Variants in GRM7 observed in about 807,000 individuals in gnomAD.
The protein encoded by GRM7 is metabotropic glutamate receptor 7.
GRM7 carries 35 observed loss-of-function variants against 84.5 expected under a neutral mutation model. The observed-to-expected ratio is 0.41, with a 90% CI of 0.32 to 0.55. The LOEUF is 0.55. GRM7 is among the 20% of genes least tolerant of loss of function. GRM7 has a pLI of 0.19. For synonymous variants in GRM7, 487 were observed against 455.1 expected (o/e 1.07, Z -0.89); for missense variants, 1,003 against 1,194.6 (o/e 0.84, Z 2.36).
intron 7 of GRM7, among the ~76,000 whole-genome samples, chr3:7,527,807 G>T (rs1447628283): frequency 6.6e-6 from 1 of 151,914 alleles, no homozygotes; most frequent in African/African-American, 2.4e-5. Flanking sequence ...TTAAAATTCT[G>T]TTTATGTGTT....
At chr3:7,527,030 A>C (rs1700834920) in intron 7 of GRM7, among the ~76,000 whole-genome samples, 1 of 151,940 alleles carries the variant, frequency 6.6e-6, no homozygotes, top group Non-Finnish European at 1.5e-5. Flanking sequence ...GTTCTATAAA[A>C]ATTTTAGAAT....
intron 1 of GRM7, among the ~76,000 whole-genome samples, chr3:6,888,518 G>A (rs1695797324): frequency 6.6e-6 from 1 of 151,980 alleles, no homozygotes; most frequent in African/African-American, 2.4e-5. Flanking sequence ...TTTTTCTCAG[G>A]TTTGTCAAAG....
At chr3:7,395,615 G>A (rs1695180204) in intron 4 of GRM7, among the ~76,000 whole-genome samples, 1 of 152,262 alleles carries the variant, frequency 6.6e-6, no homozygotes, top group South Asian at 2.1e-4. Flanking sequence ...TCATGGTAGT[G>A]AATAAGTCTC....
At chr3:7,150,525 C>A (rs78027613) in intron 2 of GRM7, among the ~76,000 whole-genome samples, 4 of 152,196 alleles carry the variant, frequency 2.6e-5, no homozygotes, top group Admixed American at 6.5e-5. Context: ...AAGTAGAGTC[C>A]GGCAGATTTA....
intron 4 of GRM7, among the ~76,000 whole-genome samples, chr3:7,342,484 A>G (rs1692688248): frequency 6.6e-6 from 1 of 152,060 alleles, no homozygotes; most frequent in East Asian, 1.9e-4. Flanking sequence ...TCTCAACACA[A>G]TTTTTACCAT....
At chr3:7,517,743 G>A (rs1017876022) in intron 7 of GRM7, among the ~76,000 whole-genome samples, 4 of 152,032 alleles carry the variant, frequency 2.6e-5, no homozygotes, top group Non-Finnish European at 5.9e-5. Flanking sequence ...GTCTTATCCG[G>A]GCCAGGTATT....
chr3:7,057,667 G>C (rs1697276381), intron 1 of GRM7, among the ~76,000 whole-genome samples: 1 of 151,924 alleles, frequency 6.6e-6, no homozygotes, highest in South Asian at 2.1e-4. Context: ...TAATGTTTGA[G>C]TTAGATGAAC....
chr3:7,489,153 G>A lies in GRM7; in HGVS notation c.1515+27431G>A, dbSNP rs367625714. Among the ~76,000 whole-genome samples the A allele has an allele frequency of 1.5e-4, 23 of 152,170 alleles. 2 individuals are homozygous for A. Among genetic ancestry groups the A allele is most frequent in the Admixed American group, 5.2e-4 (8 of 15,292 alleles). The stretch of plus-strand genomic sequence containing the variant: ...TCTATGGATACATATTTTTAAAAAC[G>A]TATTTGACTGTGGTTCACCATAAGA... On this transcript the variant is annotated intron_variant, in intron 7 of 9. Transcript: ENST00000357716.
chr3:7,695,619 G>A (rs1700988350), intron 9 of GRM7, among the ~76,000 whole-genome samples: 1 of 152,110 alleles, frequency 6.6e-6, no homozygotes, highest in Non-Finnish European at 1.5e-5. Context: ...TAAGATGCTG[G>A]AGCCCATATA....
chr3:7,340,886 G>A (rs868571523), intron 4 of GRM7, among the ~76,000 whole-genome samples: 5 of 152,098 alleles, frequency 3.3e-5, no homozygotes, highest in African/African-American at 4.8e-5. Flanking sequence ...TAGGAATTAC[G>A]TGTCTGCATC....
At chr3:7,387,071 G>A (rs1694813991) in intron 4 of GRM7, among the ~76,000 whole-genome samples, 1 of 152,012 alleles carries the variant, frequency 6.6e-6, no homozygotes. Flanking sequence ...GTCTTCCTTT[G>A]AGAAACAGAC....
At chr3:7,552,900 A>C (rs868503791) in intron 7 of GRM7, among the ~76,000 whole-genome samples, 2 of 152,190 alleles carry the variant, frequency 1.3e-5, no homozygotes, top group Non-Finnish European at 2.9e-5. Flanking sequence ...TACTTATGCA[A>C]ATTTCTGCAG....
chr3:7,361,037 G>C (rs1693639102), intron 4 of GRM7, among the ~76,000 whole-genome samples: 1 of 151,984 alleles, frequency 6.6e-6, no homozygotes, highest in African/African-American at 2.4e-5. Context: ...CTCCTAAAAA[G>C]AAAGTCCCTT....
intron 2 of GRM7, among the ~76,000 whole-genome samples, chr3:7,154,336 G>T (rs1694380222): frequency 6.6e-6 from 1 of 152,136 alleles, no homozygotes; most frequent in African/African-American, 2.4e-5. Flanking sequence ...TACAAAGGAT[G>T]GGTTTCTCCC....
chr3:6,969,683 A>G (rs1480343042), intron 1 of GRM7, among the ~76,000 whole-genome samples: 1 of 152,228 alleles, frequency 6.6e-6, no homozygotes, highest in Non-Finnish European at 1.5e-5. Flanking sequence ...GGAAATTTCC[A>G]TCACATGATC....
chr3:7,123,881 GT>G (rs1693307571), intron 1 of GRM7, among the ~76,000 whole-genome samples: 1 of 152,190 alleles, frequency 6.6e-6, no homozygotes, highest in South Asian at 2.1e-4. Flanking sequence ...CCGCTCCTGA[GT>G]TTGGGGTCTC....
chr3:7,722,505 C>T (rs968677092), intron 9 of GRM7, among the ~76,000 whole-genome samples: 6 of 149,554 alleles, frequency 4.0e-5, no homozygotes, highest in African/African-American at 1.5e-4. Context: ...AGTGCAGTGG[C>T]GATCTCAGCT....
chr3:7,728,795 GT>G (rs1000748027), intron 9 of GRM7, among the ~76,000 whole-genome samples: 1 of 152,230 alleles, frequency 6.6e-6, no homozygotes, highest in African/African-American at 2.4e-5. Flanking sequence ...CTGTGTGACT[GT>G]TAGGAAGAAC....
chr3:7,327,360 A>T (rs1382472150), intron 4 of GRM7, among the ~76,000 whole-genome samples: 1 of 152,130 alleles, frequency 6.6e-6, no homozygotes, highest in African/African-American at 2.4e-5. Context: ...GCCTCCTATC[A>T]GAAGGAAGGA....
Sources: gnomAD v4.1 joint callset for allele counts (sites outside exome capture counted in the v4.1 genomes callset) on GRCh38, gnomAD v4.1.1 for gene constraint, MANE v1.5 for transcripts, NCBI Gene and HGNC (gene_info 2026-07-23, HGNC 2026-07-21) for gene names.